INSYN2B: variants seen among roughly 807,000 people sequenced by gnomAD.
INSYN2B encodes the protein protein INSYN2B.
INSYN2B carries 16 observed loss-of-function variants against 41.2 expected under a neutral mutation model. The observed-to-expected ratio is 0.39, with a 90% confidence interval of 0.26 to 0.59. The LOEUF is 0.59. Ranked by LOEUF, INSYN2B falls within the 20% of genes least tolerant of loss-of-function variation. INSYN2B has a pLI of 0.57. For missense variants in INSYN2B, 608 were observed against 646.4 expected (o/e 0.94, Z 0.64); for synonymous variants, 245 against 244.4 (o/e 1.00, Z -0.02).
chr5:169,882,867 A>T lies in INSYN2B; in HGVS notation c.1032T>A (p.Thr344=). The T allele has an allele frequency of 2.6e-6, 4 of 1,551,204 alleles. No homozygotes were observed. The highest frequency in any genetic ancestry group is 3.5e-6 in the Non-Finnish European group (4 of 1,146,648). The change falls in exon 2 of 4, where the codon ACT becomes ACA. Residue 344 remains threonine, a synonymous_variant. Coordinates refer to ENST00000377365, the MANE Select transcript of INSYN2B (RefSeq NM_001129891.3). ...CAGGGGCAGATTTCGATGCACTGTT[A>T]GTTTTGAGTGACACCAGATTCTGGT... is the stretch of plus-strand genomic sequence containing the variant. ...NNHQNLVSLK[T]NSASKSAPGC... is the part of the protein sequence containing the mutation.
At chr5:169,892,219 C>T (rs1773338603) in intron 1 of INSYN2B, among the ~76,000 whole-genome samples, 1 of 152,054 alleles carries the variant, frequency 6.6e-6, no homozygotes, top group African/African-American at 2.4e-5. Flanking sequence ...GGACTCAAAG[C>T]AAACCTAAAA....
chr5:169,958,247 C>T lies in INSYN2B; in HGVS notation c.-919+22030G>A, dbSNP rs190068464. The stretch of plus-strand genomic sequence containing the variant: ...GTTTTGCAAAAAAAAAAGGCACCTA[C>T]CCCATTTATACTTTACTGCACTGTT... On this transcript the variant is annotated intron_variant, in intron 1 of 3. Transcript: ENST00000377365. 2.0e-5 allele frequency among the ~76,000 whole-genome samples: 3 copies of T among 152,238 alleles called. No homozygotes were observed. In the East Asian group the frequency reaches 5.8e-4, roughly 29 times the overall value.
chr5:169,870,016 C>T (rs1274739455), intron 3 of INSYN2B, among the ~76,000 whole-genome samples: 9 of 152,124 alleles, frequency 5.9e-5, no homozygotes, highest in Admixed American at 1.3e-4. Context: ...TGCAAAATTC[C>T]GGACACGAGC....
intron 1 of INSYN2B, among the ~76,000 whole-genome samples, chr5:169,969,803 G>A (rs538609851): frequency 6.6e-6 from 1 of 152,338 alleles, no homozygotes; most frequent in Non-Finnish European, 1.5e-5. Context: ...ATGAGGCCAG[G>A]CCTTGCCTGC....
intron 1 of INSYN2B, among the ~76,000 whole-genome samples, chr5:169,899,531 C>T (rs1419686676): frequency 6.6e-6 from 1 of 152,104 alleles, no homozygotes; most frequent in African/African-American, 2.4e-5. Flanking sequence ...GATAGAAGGG[C>T]CAAAAGATCA....
At chr5:169,939,790 A>AAT (rs1271774084) in intron 1 of INSYN2B, among the ~76,000 whole-genome samples, 2 of 152,090 alleles carry the variant, frequency 1.3e-5, no homozygotes, top group Non-Finnish European at 2.9e-5. Context: ...GTCCCTAAAA[A>AAT]ATATAAGAAA....
intron 1 of INSYN2B, among the ~76,000 whole-genome samples, chr5:169,950,605 C>A (rs1008025872): frequency 3.3e-5 from 5 of 152,322 alleles, no homozygotes; most frequent in African/African-American, 1.2e-4. Flanking sequence ...CTGGATCATG[C>A]TACAGATTTT....
At chr5:169,963,703 C>T (rs931222581) in intron 1 of INSYN2B, among the ~76,000 whole-genome samples, 1 of 152,166 alleles carries the variant, frequency 6.6e-6, no homozygotes, top group African/African-American at 2.4e-5. Context: ...TTCTTTGCCT[C>T]AGTTTCTGCC....
intron 1 of INSYN2B, among the ~76,000 whole-genome samples, chr5:169,913,579 A>T (rs1006028384): frequency 4.6e-5 from 7 of 152,200 alleles, no homozygotes; most frequent in African/African-American, 1.7e-4. Context: ...AATAAAAATA[A>T]ACATATTGAA....
At chr5:169,966,271 G>A (rs1199582707) in intron 1 of INSYN2B, among the ~76,000 whole-genome samples, 1 of 152,128 alleles carries the variant, frequency 6.6e-6, no homozygotes, top group African/African-American at 2.4e-5. Context: ...GGCTGCAAAT[G>A]TGTACAGTAA....
At chr5:169,920,054 C>A (rs1396610863) in intron 1 of INSYN2B, among the ~76,000 whole-genome samples, 1 of 152,122 alleles carries the variant, frequency 6.6e-6, no homozygotes, top group Admixed American at 6.5e-5. Flanking sequence ...TAATCCACAA[C>A]ACAACTTTGT....
chr5:169,864,181 T>C lies in INSYN2B; in HGVS notation c.*92A>G. 1 of 1,181,496 alleles carries C rather than the reference T, an allele frequency of 8.5e-7. No individual in the cohort carries two copies. Among genetic ancestry groups the C allele is most frequent in the Non-Finnish European group, 1.2e-6 (1 of 819,442 alleles). 73.2% of individuals were successfully genotyped at this position (1,181,496 alleles called of 1,614,324 possible). A position where few individuals can be genotyped will look rare whatever the true frequency, so the allele number is the denominator to read the frequency against. On this transcript the variant is annotated 3_prime_UTR_variant, in exon 4 of 4. Transcript: ENST00000377365. ...CAAGGGGCTCACAGCCCAGGGCCTT[T>C]GCAAAGAAGCAGGGCAGGCCTTAAG... is the stretch of plus-strand genomic sequence containing the variant.
At chr5:169,977,565 G>A (rs1777759780) in intron 1 of INSYN2B, among the ~76,000 whole-genome samples, 2 of 152,174 alleles carry the variant, frequency 1.3e-5, no homozygotes, top group Non-Finnish European at 2.9e-5. Flanking sequence ...GACCCTGCTC[G>A]AGGTCACAAA....
chr5:169,974,033 C>G (rs1162343111), intron 1 of INSYN2B, among the ~76,000 whole-genome samples: 1 of 152,164 alleles, frequency 6.6e-6, no homozygotes, highest in Non-Finnish European at 1.5e-5. Flanking sequence ...TTCCTTTCTT[C>G]ATTGACTTTT....
intron 1 of INSYN2B, among the ~76,000 whole-genome samples, chr5:169,946,386 C>T (rs915523530): frequency 2.6e-5 from 4 of 152,176 alleles, no homozygotes; most frequent in African/African-American, 9.7e-5. Flanking sequence ...AAGGCTCTTC[C>T]AGGAGCTACC....
chr5:169,979,243 G>A (rs987661657), intron 1 of INSYN2B, among the ~76,000 whole-genome samples: 1 of 152,170 alleles, frequency 6.6e-6, no homozygotes, highest in African/African-American at 2.4e-5. Context: ...TTTGAACAAC[G>A]TCAGTGTTAG....
chr5:169,968,423 C>T (rs1008761635), intron 1 of INSYN2B, among the ~76,000 whole-genome samples: 3 of 152,136 alleles, frequency 2.0e-5, no homozygotes, highest in African/African-American at 4.8e-5. Context: ...GAAGAAGGTT[C>T]CTGCCCTTGA....
intron 3 of INSYN2B, among the ~76,000 whole-genome samples, chr5:169,870,629 T>TC (rs1187339956): frequency 2.6e-5 from 4 of 152,084 alleles, no homozygotes; most frequent in African/African-American, 9.7e-5. Flanking sequence ...ATACTTTAAG[T>TC]TTTAGGGTAC....
Position 169,882,524 on chromosome 5 carries a change from T to C in INSYN2B, c.1346+29A>G, listed in dbSNP as rs1398293344. The stretch of plus-strand genomic sequence containing the variant: ...GTTGGCAAATGACTTCACCCAGTCA[T>C]TTTTAATATGAAAAAAAAATCTCCT... On this transcript the variant is annotated intron_variant, in intron 2 of 3. Coordinates refer to ENST00000377365, the MANE Select transcript of INSYN2B (RefSeq NM_001129891.3). The C allele has an allele frequency of 3.3e-6, 5 of 1,512,494 alleles. No homozygotes were observed. In the East Asian group the frequency reaches 1.2e-4, roughly 37 times the overall value. 93.7% of individuals were successfully genotyped at this position (1,512,494 alleles called of 1,614,324 possible).
Sources: gnomAD v4.1 joint callset for allele counts (sites outside exome capture counted in the v4.1 genomes callset) on GRCh38, gnomAD v4.1.1 for gene constraint, MANE v1.5 for transcripts, NCBI Gene and HGNC (gene_info 2026-07-23, HGNC 2026-07-21) for gene names.